DLG3: variants seen among roughly 807,000 people sequenced by gnomAD.
DLG3 encodes the protein discs large MAGUK scaffold protein 3, also known as disks large homolog 3.
In DLG3, 1 loss-of-function variant was observed where a neutral mutation model predicts 64.1. The observed-to-expected ratio is 0.02, with a 90% CI of 0.01 to 0.07. The LOEUF (loss-of-function observed/expected upper bound fraction) is 0.07, where lower values mean the gene tolerates loss of function less well. Ranked by LOEUF, DLG3 falls within the 10% of genes least tolerant of loss-of-function variation. The pLI is 1.00. For synonymous variants in DLG3, 245 were observed against 259.8 expected, an observed-to-expected ratio of 0.94 and a Z score of 0.55; for missense variants, 429 against 669.5, an observed-to-expected ratio of 0.64 and a Z score of 3.96.
At chrX:70,483,734 A>G (rs1402961178) in intron 10 of DLG3, among the ~76,000 whole-genome samples, 3 of 112,525 alleles carry the variant, frequency 2.7e-5, no homozygotes, top group Non-Finnish European at 3.8e-5. Flanking sequence ...GGAAGAAGGA[A>G]CGAGAGCAGT....
intron 9 of DLG3, among the ~76,000 whole-genome samples, chrX:70,469,446 C>CTT (rs869146273): frequency 2.0e-5 from 2 of 99,247 alleles, no homozygotes; most frequent in African/African-American, 3.6e-5. Context: ...CCATTTCTTT[C>CTT]TTTTTTTTTT....
intron 9 of DLG3, among the ~76,000 whole-genome samples, chrX:70,466,288 TGTGTGTGG>T (rs2086885702): frequency 1.0e-5 from 1 of 99,755 alleles, no homozygotes; most frequent in African/African-American, 3.8e-5. Flanking sequence ...TGTGTGTGTG[TGTGTGTGG>T]ATTGCCTGTT....
chrX:70,450,566 A>G, intron 5 of DLG3, 73 bp from the exon 6 acceptor site: 1 of 1,155,199 alleles, frequency 8.7e-7, no homozygotes, highest in Non-Finnish European at 1.2e-6. Flanking sequence ...TTTCACTGAA[A>G]AGGCATCCCT....
chrX:70,488,353 G>A (rs12014463), intron 10 of DLG3, among the ~76,000 whole-genome samples: 1 of 111,779 alleles, frequency 8.9e-6, no homozygotes, highest in Admixed American at 9.6e-5. Context: ...CTGTGACTTA[G>A]GCCTTATGAA....
intron 9 of DLG3, among the ~76,000 whole-genome samples, chrX:70,465,045 G>A (rs929738600): frequency 8.0e-5 from 9 of 111,998 alleles, no homozygotes; most frequent in Non-Finnish European, 1.7e-4. Flanking sequence ...CTAAGTAGAC[G>A]TCCTTTGGAT....
chrX:70,492,340 CT>C (rs2087373393), intron 11 of DLG3, 57 bp downstream of exon 11: 1 of 1,188,534 alleles, frequency 8.4e-7, no homozygotes, highest in African/African-American at 1.8e-5. Context: ...GTATTTCTTT[CT>C]TGTTTTCCTA....
rs763703210 is a variant in DLG3, at chrX:70,450,771, G to GACT, written c.976_978dup (p.Tyr326dup). 9 of 1,211,599 alleles carry GACT rather than the reference G, an allele frequency of 7.4e-6. No homozygotes were observed. Among genetic ancestry groups the GACT allele is most frequent in the Non-Finnish European group, 1.0e-5 (9 of 895,513 alleles). ...CCTCAACGACATGTACGCTCCCCCT[G>GACT]ACTACGCCAGCAGTACGTACTCATC... On this transcript the variant is annotated inframe_insertion, in exon 6 of 19. Coordinates refer to ENST00000374360, the MANE Select transcript of DLG3 (RefSeq NM_021120.4).
At chrX:70,499,348 A>C in intron 15 of DLG3, 71 bp downstream of exon 15, 6 of 826,987 alleles carry the variant, frequency 7.3e-6, no homozygotes, top group Non-Finnish European at 9.0e-6. Flanking sequence ...TGTTTTATGG[A>C]AAAGGTCTGG....
Position 70,498,532 on chromosome X carries a change from A to C in DLG3, c.1832A>C (p.Asp611Ala). The change falls in exon 14 of 19, where the codon GAT (aspartate) becomes GCT (alanine). Residue 611 changes from aspartate (D) to alanine (A), a missense_variant. Asp to Ala is a moderately radical substitution (Grantham distance 126). Around this residue, in one of 9 missense-constraint regions of DLG3, gnomAD observed 46 missense variants for 64.4 expected, o/e 0.71. Transcript: ENST00000374360. ...YGAKNLKGQE[D>A]AILSYEPVTR... ...TTTTTTGTTGCAGAAGGACAAGAGG[A>C]TGCTATTTTGTCATATGAGCCAGTG... is the stretch of plus-strand genomic sequence containing the variant. 8.3e-7 allele frequency: 1 copy of C among 1,209,740 alleles called. No homozygotes were observed. Among genetic ancestry groups the C allele is most frequent in the Non-Finnish European group, 1.1e-6 (1 of 894,460 alleles).
chrX:70,456,923 C>T (rs1039242902), intron 9 of DLG3, among the ~76,000 whole-genome samples: 15 of 111,569 alleles, frequency 1.3e-4, no homozygotes, highest in Admixed American at 7.6e-4. Context: ...GATTACATCA[C>T]GGTGGGTATT....
intron 9 of DLG3, among the ~76,000 whole-genome samples, chrX:70,478,828 C>T (rs2087103049): frequency 8.9e-6 from 1 of 111,738 alleles, no homozygotes; most frequent in Non-Finnish European, 1.9e-5. Flanking sequence ...ATAAAGGTTG[C>T]ACTGGAACCT....
intron 9 of DLG3, among the ~76,000 whole-genome samples, chrX:70,478,752 C>T (rs1051406749): frequency 3.6e-5 from 4 of 111,778 alleles, no homozygotes; most frequent in East Asian, 2.8e-4. Flanking sequence ...CTCTGCAATC[C>T]GCTTTTTGGG....
At chrX:70,451,725 G>T (rs1449782817) in intron 6 of DLG3, 142 bp from the exon 7 acceptor site, 1 of 686,627 alleles carries the variant, frequency 1.5e-6, no homozygotes, top group East Asian at 3.4e-5. Context: ...CGGGTGGATG[G>T]AGTGGGGAGG....
At chrX:70,476,896 G>A (rs1383633560) in intron 9 of DLG3, among the ~76,000 whole-genome samples, 3 of 112,491 alleles carry the variant, frequency 2.7e-5, no homozygotes, top group Non-Finnish European at 5.6e-5. Flanking sequence ...TGGGCAGCTG[G>A]AACTCTAAGG....
intron 18 of DLG3, 40 bp from the exon 19 acceptor site, chrX:70,502,123 A>G (rs193193717): frequency 2.9e-6 from 3 of 1,041,621 alleles, no homozygotes; most frequent in African/African-American, 3.7e-5. Context: ...GGGATGTGCT[A>G]TGGACCACAG....
chrX:70,463,053 T>G (rs746408286), intron 9 of DLG3, among the ~76,000 whole-genome samples: 16 of 112,204 alleles, frequency 1.4e-4, no homozygotes, highest in African/African-American at 5.2e-4. Context: ...GGCAAAATCC[T>G]AGGAGCTTTG....
Position 70,445,096 on chromosome X carries a change from T to G in DLG3, c.-106T>G. On this transcript the variant is annotated 5_prime_UTR_variant, in exon 1 of 19. Coordinates refer to ENST00000374360, the MANE Select transcript of DLG3 (RefSeq NM_021120.4). ...CCCCCCCTTCTTGGTCCGAGCAGTG[T>G]GAGTGTGCCAGGGAGCCCGGCGGCG... The G allele has an allele frequency of 1.6e-6, 1 of 634,660 alleles. No individual in the cohort carries two copies. Among genetic ancestry groups the G allele is most frequent in the Non-Finnish European group, 2.3e-6 (1 of 437,431 alleles). The allele number at this position is 634,660 out of a possible 1,213,427, so 52.3% of individuals were successfully genotyped here. A position where few individuals can be genotyped will look rare whatever the true frequency, so the allele number is the denominator to read the frequency against.
intron 18 of DLG3, among the ~76,000 whole-genome samples, chrX:70,501,677 C>T (rs1205320348): frequency 2.7e-5 from 3 of 111,013 alleles, no homozygotes; most frequent in African/African-American, 9.8e-5. Context: ...TGACCTCTGA[C>T]ATACAGCAGA....
At chrX:70,485,833 G>C (rs965645588) in intron 10 of DLG3, among the ~76,000 whole-genome samples, 7 of 111,650 alleles carry the variant, frequency 6.3e-5, no homozygotes, top group Non-Finnish European at 1.3e-4. Flanking sequence ...TTTCCATCCA[G>C]CAGAGAGGAC....
Sources: allele counts gnomAD v4.1 joint callset (sites outside exome capture counted in the v4.1 genomes callset), GRCh38; gene constraint gnomAD v4.1.1; regional missense constraint gnomAD v4.1.1; transcripts MANE v1.5; gene names NCBI Gene and HGNC (gene_info 2026-07-23, HGNC 2026-07-21).